The following PCDH7 variants were observed in gnomAD, a reference collection of about 807,000 sequenced individuals.
PCDH7 encodes protocadherin-7.
A neutral mutation model predicts 58.9 loss-of-function variants in PCDH7; 17 were observed. The observed-to-expected ratio is 0.29, with a 90% CI of 0.20 to 0.43. The LOEUF (loss-of-function observed/expected upper bound fraction) is 0.43, where lower values mean the gene tolerates loss of function less well. PCDH7 is among the 20% of genes least tolerant of loss of function. PCDH7 has a pLI of 1.00. For missense variants in PCDH7, 1,274 were observed against 1,441.0 expected, an observed-to-expected ratio of 0.88 and a Z score of 1.88; for synonymous variants, 664 against 616.4, an observed-to-expected ratio of 1.08 and a Z score of -1.14.
chr4:31,011,703 A>C (rs1438607009), intron 3 of PCDH7, among the ~76,000 whole-genome samples: 5 of 152,088 alleles, frequency 3.3e-5, no homozygotes, highest in Non-Finnish European at 5.9e-5. Context: ...TCTCAACTTT[A>C]AGGTAATTAC....
intron 3 of PCDH7, among the ~76,000 whole-genome samples, chr4:31,030,771 C>T (rs1477913029): frequency 6.6e-6 from 1 of 152,094 alleles, no homozygotes; most frequent in East Asian, 1.9e-4. Context: ...GACAATAGAA[C>T]TTGTCTATAC....
intron 2 of PCDH7, among the ~76,000 whole-genome samples, chr4:30,946,926 G>GT (rs1020785501): frequency 4.9e-4 from 75 of 152,128 alleles, no homozygotes; most frequent in African/African-American, 1.8e-3. Flanking sequence ...TAGCCAGACT[G>GT]TTCTCAAACT....
At chr4:30,968,040 G>A (rs887387208) in intron 3 of PCDH7, among the ~76,000 whole-genome samples, 4 of 151,800 alleles carry the variant, frequency 2.6e-5, no homozygotes, top group Non-Finnish European at 5.9e-5. Flanking sequence ...TATTTTTAAA[G>A]AATAGATGTA....
chr4:31,066,382 A>G (rs911353696), intron 3 of PCDH7, among the ~76,000 whole-genome samples: 2 of 151,918 alleles, frequency 1.3e-5, no homozygotes, highest in Non-Finnish European at 2.9e-5. Context: ...CCCTCCTTCA[A>G]AAAAAGACTT....
chr4:31,135,298 T>C (rs1160910936), intron 3 of PCDH7, among the ~76,000 whole-genome samples: 1 of 152,186 alleles, frequency 6.6e-6, no homozygotes, highest in African/African-American at 2.4e-5. Flanking sequence ...AAATCATTAA[T>C]CGTGAGGTTG....
chr4:30,844,966 G>C (rs1396892248), intron 1 of PCDH7, among the ~76,000 whole-genome samples: 1 of 152,146 alleles, frequency 6.6e-6, no homozygotes, highest in Non-Finnish European at 1.5e-5. Flanking sequence ...TGAATAAGAA[G>C]GGAGTTTTGT....
intron 1 of PCDH7, among the ~76,000 whole-genome samples, chr4:30,767,295 T>C (rs1720877813): frequency 6.6e-6 from 1 of 152,258 alleles, no homozygotes; most frequent in Non-Finnish European, 1.5e-5. Flanking sequence ...ATTAGCGGTC[T>C]ACAGTCATCC....
chr4:30,987,765 G>C (rs150449881), intron 3 of PCDH7: 10 of 152,000 alleles, frequency 6.6e-5, no homozygotes, highest in Non-Finnish European at 1.5e-4. Context: ...AGTACCATAA[G>C]AATATTTTTA....
rs531277631 is a variant in PCDH7 at position 30,802,627 on chromosome 4, A to T, written c.70+78031A>T. Among the ~76,000 whole-genome samples the T allele has an allele frequency of 8.5e-5, 13 of 152,140 alleles. No homozygotes were observed. The East Asian group carries it at 2.3e-3, about 27-fold the overall frequency. ...GATGCAGATAAATTTGGAGATATAG[A>T]GGAGGGAAGCGGAAGGGGTTCACAA... On this transcript the variant is annotated intron_variant, in intron 1 of 3. Coordinates refer to the PCDH7 transcript ENST00000509759.
chr4:31,031,984 AT>A (rs1754959678), intron 3 of PCDH7, among the ~76,000 whole-genome samples: 1 of 152,218 alleles, frequency 6.6e-6, no homozygotes, highest in South Asian at 2.1e-4. Context: ...AACTCATTTT[AT>A]TGCTCAATCT....
intron 1 of PCDH7, among the ~76,000 whole-genome samples, chr4:30,879,934 C>T (rs1421071861): frequency 6.6e-6 from 1 of 151,868 alleles, no homozygotes; most frequent in Non-Finnish European, 1.5e-5. Context: ...GAAAAATTAC[C>T]CTGATACATG....
intron 2 of PCDH7, among the ~76,000 whole-genome samples, chr4:30,927,471 A>G (rs1744021658): frequency 6.6e-6 from 1 of 151,660 alleles, no homozygotes; most frequent in Non-Finnish European, 1.5e-5. Context: ...TCTGTGTAGA[A>G]AGAAGTAGAC....
Position 30,941,865 on chromosome 4 carries a change from C to G in PCDH7, c.288-8255C>G, listed in dbSNP as rs760717959. Among the ~76,000 whole-genome samples, 3 of 151,924 alleles carry G rather than the reference C, an allele frequency of 2.0e-5. No homozygotes were observed. In the South Asian group the frequency reaches 6.2e-4, roughly 32 times the overall value. On this transcript the variant is annotated intron_variant, in intron 2 of 3. Coordinates refer to the PCDH7 transcript ENST00000509759. ...TGTCTAGGTGGATATAACCTTTGCT[C>G]TCAGTATTTACAAGGTCAGGATGTG...
At chr4:30,962,776 T>TAAAAAAA (rs57257786) in intron 3 of PCDH7, among the ~76,000 whole-genome samples, 29 of 70,622 alleles carry the variant, frequency 4.1e-4, no homozygotes, top group African/African-American at 1.5e-3. Flanking sequence ...GACCCAGTCT[T>TAAAAAAA]AAAAAAAAAA....
intron 3 of PCDH7, among the ~76,000 whole-genome samples, chr4:31,077,422 A>G (rs1455175769): frequency 6.6e-6 from 1 of 151,704 alleles, no homozygotes; most frequent in Non-Finnish European, 1.5e-5. Context: ...AAAAAAAAAA[A>G]AAGAAAAAGA....
chr4:31,117,829 A>G (rs990645475), intron 3 of PCDH7, among the ~76,000 whole-genome samples: 5 of 152,160 alleles, frequency 3.3e-5, no homozygotes, highest in Admixed American at 1.3e-4. Flanking sequence ...GGATGGGTAG[A>G]GGGGTTGTTA....
intron 1 of PCDH7, among the ~76,000 whole-genome samples, chr4:30,824,095 C>CTTTCTTTCTTTCTTTCTTTCTTTCTTTT (rs1560407623): frequency 4.4e-5 from 4 of 90,126 alleles, no homozygotes; most frequent in African/African-American, 1.8e-4. Context: ...TTCTTTCTTT[C>CTTTCTTTCTTTCTTTCTTTCTTTCTTTT]TTTCTTTCTT....
chr4:30,992,887 C>A lies in PCDH7; in HGVS notation c.*7+42672C>A, dbSNP rs150959401. Among the ~76,000 whole-genome samples the A allele has an allele frequency of 1.2e-3, 186 of 150,514 alleles. 5 individuals are homozygous for A. In the East Asian group the frequency reaches 0.034, roughly 27 times the overall value. ...GATCTTGGCTCACTGCAACTTCCGC[C>A]TCCTGGGTTCAAGTGATTCTCCTGC... is the stretch of plus-strand genomic sequence containing the variant. On this transcript the variant is annotated intron_variant, in intron 3 of 3. Transcript: ENST00000509759.
chr4:31,014,662 C>T (rs1000770120), intron 3 of PCDH7, among the ~76,000 whole-genome samples: 5 of 152,112 alleles, frequency 3.3e-5, no homozygotes, highest in African/African-American at 1.2e-4. Flanking sequence ...CTGTCACTTA[C>T]CCACGATGTA....
Sources: allele counts gnomAD v4.1 joint callset (sites outside exome capture counted in the v4.1 genomes callset), GRCh38; gene constraint gnomAD v4.1.1; transcripts MANE v1.5; gene names NCBI Gene and HGNC (gene_info 2026-07-23, HGNC 2026-07-21).